The following RGS3 variants were observed in gnomAD, a reference collection of about 807,000 sequenced individuals.
RGS3 encodes the protein regulator of G-protein signalling 3.
RGS3 carries 80 observed loss-of-function variants against 132.6 expected under a neutral mutation model. The ratio of observed to expected loss-of-function variants is 0.60; its 90% CI spans 0.50 to 0.73. The LOEUF is 0.73. Ranked by LOEUF, RGS3 falls within the 30% of genes least tolerant of loss-of-function variation. The pLI, the probability that RGS3 is intolerant of heterozygous loss-of-function variation, is 0.00. For missense variants in RGS3, 1,382 were observed against 1,530.8 expected, an observed-to-expected ratio of 0.90 and a Z score of 1.62; for synonymous variants, 598 against 620.6, an observed-to-expected ratio of 0.96 and a Z score of 0.54.
intron 10 of RGS3, among the ~76,000 whole-genome samples, chr9:113,500,184 T>C (rs1830826653): frequency 6.6e-6 from 1 of 152,242 alleles, no homozygotes; most frequent in African/African-American, 2.4e-5. Flanking sequence ...CAGAGATGTC[T>C]GTGGGACTCA....
intron 1 of RGS3, among the ~76,000 whole-genome samples, chr9:113,450,064 T>C (rs1470260098): frequency 7.2e-6 from 1 of 139,358 alleles, no homozygotes; most frequent in African/African-American, 2.7e-5. Context: ...TTTTTATTTT[T>C]ATTTTATTTA....
intron 7 of RGS3, among the ~76,000 whole-genome samples, chr9:113,487,924 G>A (rs947842267): frequency 2.0e-5 from 3 of 152,166 alleles, no homozygotes; most frequent in Admixed American, 2.0e-4. Context: ...TTCATGGGCA[G>A]GGCTGAGAAA....
At chr9:113,553,459 A>AATAT (rs1217293385) in intron 19 of RGS3, among the ~76,000 whole-genome samples, 145 of 58,612 alleles carry the variant, frequency 2.5e-3, no homozygotes, top group Non-Finnish European at 3.5e-3. Context: ...AAAAAAAAAA[A>AATAT]ATATATATAT....
chr9:113,448,141 A>T (rs1042268169), intron 1 of RGS3, among the ~76,000 whole-genome samples: 3 of 152,134 alleles, frequency 2.0e-5, no homozygotes, highest in Admixed American at 6.5e-5. Context: ...TATAGGGATG[A>T]GCCACCATGC....
rs191473638 is a variant in RGS3 at position 113,476,925 on chromosome 9, C to G, written c.416-2566C>G. Among the ~76,000 whole-genome samples, 792 of 152,292 alleles carry G rather than the reference C, an allele frequency of 5.2e-3. 27 individuals carry two copies. The highest frequency in any genetic ancestry group is 0.045 in the Admixed American group (692 of 15,304). On this transcript the variant is annotated intron_variant, in intron 3 of 24. Transcript: ENST00000350696. ...CCAAGCATGTTTGTGCCAGAGCTGG[C>G]TTTGCACAGGTAGTAGTTTCAGAAA...
intron 14 of RGS3, among the ~76,000 whole-genome samples, chr9:113,513,680 G>T (rs1564511974): frequency 6.6e-6 from 1 of 152,194 alleles, no homozygotes. Flanking sequence ...GAAATAAGTT[G>T]CCCAAGCTCA....
At chr9:113,574,691 A>G (rs896089935) in intron 19 of RGS3, among the ~76,000 whole-genome samples, 6 of 152,210 alleles carry the variant, frequency 3.9e-5, no homozygotes, top group African/African-American at 1.4e-4. Flanking sequence ...CAGTGCTCAC[A>G]GGGATGGGCA....
chr9:113,492,739 C>G (rs1830559571), intron 7 of RGS3, among the ~76,000 whole-genome samples: 1 of 152,170 alleles, frequency 6.6e-6, no homozygotes, highest in Non-Finnish European at 1.5e-5. Flanking sequence ...TAAAAGAAGT[C>G]TTTCTTCCTC....
At chr9:113,514,726 T>G in intron 15 of RGS3, 72 bp downstream of exon 13, 1 of 1,471,696 alleles carries the variant, frequency 6.8e-7, no homozygotes, top group Non-Finnish European at 9.3e-7. Flanking sequence ...GCCCCAGGAC[T>G]CAGGGATGAT....
At chr9:113,564,906 G>T in intron 19 of RGS3, 1 of 995,386 alleles carries the variant, frequency 1.0e-6, no homozygotes, top group Admixed American at 5.8e-5. Flanking sequence ...ACAGCGTCGG[G>T]GTGGGGGTGT....
chr9:113,448,652 C>T (rs900397511), intron 1 of RGS3, among the ~76,000 whole-genome samples: 9 of 152,206 alleles, frequency 5.9e-5, no homozygotes, highest in East Asian at 1.9e-4. Context: ...CTGCGAGTGG[C>T]AGAGCTCTCT....
chr9:113,595,389 A>C, intron 23 of RGS3: 1 of 580,224 alleles, frequency 1.7e-6, no homozygotes, highest in South Asian at 2.3e-5. Context: ...GAAGACACTG[A>C]GGCATAGAGA....
intron 3 of RGS3, among the ~76,000 whole-genome samples, chr9:113,478,537 G>T (rs899126445): frequency 6.6e-6 from 1 of 152,136 alleles, no homozygotes; most frequent in East Asian, 1.9e-4. Flanking sequence ...TGTGGGGCGT[G>T]GTGGCTCATA....
At chr9:113,540,907 CA>C (rs985150577) in intron 19 of RGS3, among the ~76,000 whole-genome samples, 3 of 152,190 alleles carry the variant, frequency 2.0e-5, no homozygotes, top group African/African-American at 7.2e-5. Flanking sequence ...ATGTGCTTTG[CA>C]AAGTGGCATG....
chr9:113,447,323 G>A (rs12000858), intron 1 of RGS3, among the ~76,000 whole-genome samples: 1,623 of 28,688 alleles, frequency 0.057, 45 homozygotes, highest in Non-Finnish European at 0.069. Context: ...TCTGATGTAT[G>A]TATATGTATA....
chr9:113,552,411 G>A (rs1833377889), intron 19 of RGS3, among the ~76,000 whole-genome samples: 1 of 152,082 alleles, frequency 6.6e-6, no homozygotes, highest in Non-Finnish European at 1.5e-5. Flanking sequence ...CCGCCTCCCG[G>A]GTTCACGCCA....
At chr9:113,447,329 G>GTATGTATATATATATATATATATATA (rs1554751010) in intron 1 of RGS3, among the ~76,000 whole-genome samples, 1 of 27,558 alleles carries the variant, frequency 3.6e-5, no homozygotes, top group African/African-American at 9.8e-5. Flanking sequence ...GTATGTATAT[G>GTATGTATATATATATATATATATATA]TATATATATA....
At chr9:113,589,153 G>T (rs1375694242) in intron 20 of RGS3, 1 of 152,274 alleles carries the variant, frequency 6.6e-6, no homozygotes, top group East Asian at 1.9e-4. Context: ...GTGGGGAGAA[G>T]ATGGAAAGGA....
chr9:113,447,848 C>CTTTTTTT (rs1350413411), intron 1 of RGS3, among the ~76,000 whole-genome samples: 1 of 129,486 alleles, frequency 7.7e-6, no homozygotes, highest in Non-Finnish European at 1.6e-5. Context: ...TACCCCTAGT[C>CTTTTTTT]TTTTTTTTTT....
Sources: gnomAD v4.1 joint callset for allele counts (sites outside exome capture counted in the v4.1 genomes callset) on GRCh38, gnomAD v4.1.1 for gene constraint, MANE v1.5 for transcripts, NCBI Gene and HGNC (gene_info 2026-07-23, HGNC 2026-07-21) for gene names.